The following RAD23B variants were observed in gnomAD, a reference collection of about 807,000 sequenced individuals.
The protein encoded by RAD23B is lysine-specific demethylase RAD23B.
Under a neutral mutation model 49.1 loss-of-function variants are expected in RAD23B, and 5 were observed. The ratio of observed to expected loss-of-function variants is 0.10; its 90% CI spans 0.05 to 0.21. The LOEUF is 0.21. RAD23B is among the 10% of genes least tolerant of loss of function. RAD23B has a pLI of 1.00. For missense variants in RAD23B, 356 were observed against 486.7 expected (o/e 0.73, Z 2.53); for synonymous variants, 184 against 165.4 (o/e 1.11, Z -0.86).
chr9:107,331,637 CATTT>C lies in RAD23B; in HGVS notation c.*1986_*1989del, dbSNP rs750208354. 1.3e-5 allele frequency: 10 copies of C among 767,158 alleles called. No homozygotes were observed. Among genetic ancestry groups the C allele is most frequent in the East Asian group, 1.2e-4 (5 of 41,134 alleles). 47.5% of individuals were successfully genotyped at this position (767,158 alleles called of 1,614,324 possible). On this transcript the variant is annotated 3_prime_UTR_variant, in exon 10 of 10. Transcript: ENST00000358015. ...TTCTGATCGGATAATGGAATACTCT[CATTT>C]ATTTTATGACATTCTCTGTCTACTC...
chr9:107,292,713 T>TA (rs1364804879), intron 1 of RAD23B, among the ~76,000 whole-genome samples: 19 of 147,502 alleles, frequency 1.3e-4, no homozygotes, highest in Admixed American at 1.0e-3. Context: ...GGTCAGTACT[T>TA]ACACACATTA....
intron 1 of RAD23B, among the ~76,000 whole-genome samples, chr9:107,295,991 T>G (rs1826508552): frequency 6.6e-6 from 1 of 152,148 alleles, no homozygotes; most frequent in Non-Finnish European, 1.5e-5. Context: ...CTTAAGGAGA[T>G]TCAAGAGCAA....
intron 3 of RAD23B, among the ~76,000 whole-genome samples, chr9:107,305,355 T>C (rs1052003989): frequency 2.6e-5 from 4 of 152,098 alleles, no homozygotes; most frequent in Non-Finnish European, 4.4e-5. Context: ...GTTCATTAAG[T>C]GTAAGTGGAT....
Position 107,306,044 on chromosome 9 carries a change from T to G in RAD23B, c.229-335T>G, listed in dbSNP as rs1262028058. On this transcript the variant is annotated intron_variant, in intron 3 of 9. Coordinates refer to ENST00000358015, the MANE Select transcript of RAD23B (RefSeq NM_002874.5). ...AAGTTTTTTTGGGAAAATGATACGG[T>G]TTATATCTATATATATATATATATA... is the stretch of plus-strand genomic sequence containing the variant. Among the ~76,000 whole-genome samples the G allele has an allele frequency of 3.6e-4, 7 of 19,504 alleles. No homozygotes were observed. In the East Asian group the frequency reaches 0.013, roughly 37 times the overall value. 12.8% of individuals were successfully genotyped at this position (19,504 alleles called of 152,430 possible). A position where few individuals can be genotyped will look rare whatever the true frequency, so the allele number is the denominator to read the frequency against.
At chr9:107,316,101 C>T (rs551670115) in intron 5 of RAD23B, among the ~76,000 whole-genome samples, 9 of 151,764 alleles carry the variant, frequency 5.9e-5, no homozygotes, top group Admixed American at 3.9e-4. Flanking sequence ...TCTCCGCCTC[C>T]GGGGTTCAAG....
At chr9:107,326,481 A>C (rs74831573) in intron 9 of RAD23B, among the ~76,000 whole-genome samples, 1 of 118,760 alleles carries the variant, frequency 8.4e-6, no homozygotes, top group African/African-American at 4.6e-5. Flanking sequence ...ACTCTGTCTC[A>C]AAAAAAAAAA....
intron 1 of RAD23B, among the ~76,000 whole-genome samples, chr9:107,298,671 TAAAAC>T (rs149056065): frequency 0.059 from 8,936 of 151,394 alleles, 378 homozygotes; most frequent in South Asian, 0.12. Flanking sequence ...CATTAGAAAT[TAAAAC>T]AAACTTTATT....
At chr9:107,295,255 TC>T (rs1826482004) in intron 1 of RAD23B, among the ~76,000 whole-genome samples, 1 of 150,884 alleles carries the variant, frequency 6.6e-6, no homozygotes, top group Non-Finnish European at 1.5e-5. Flanking sequence ...GGGGAGAGAG[TC>T]TAGGAGGAGA....
At chr9:107,304,703 G>A (rs1031249354) in intron 3 of RAD23B, among the ~76,000 whole-genome samples, 1 of 152,134 alleles carries the variant, frequency 6.6e-6, no homozygotes, top group African/African-American at 2.4e-5. Flanking sequence ...TTGTCCTTGG[G>A]AAAGTTATGA....
chr9:107,290,398 C>A (rs150758275), intron 1 of RAD23B, among the ~76,000 whole-genome samples: 1 of 152,178 alleles, frequency 6.6e-6, no homozygotes, highest in Non-Finnish European at 1.5e-5. Context: ...ATGATACACT[C>A]CCTTGTGTCC....
rs541092064 is a variant in RAD23B at position 107,286,908 on chromosome 9, TA to T, written c.66+3221del. On this transcript the variant is annotated intron_variant, in intron 1 of 9. Transcript: ENST00000358015. ...TAACACGGTGAAACCCCGTCTCTACTAAAAAAAATACAAAAAATTAGACGGA... is the reference window on the plus strand; with the variant it reads ...TAACACGGTGAAACCCCGTCTCTACTAAAAAAATACAAAAAATTAGACGGA... 4.5e-3 allele frequency among the ~76,000 whole-genome samples: 680 copies of T among 151,606 alleles called. 3 individuals are homozygous for T. The highest frequency in any genetic ancestry group is 0.016 in the African/African-American group (653 of 41,334).
At chr9:107,310,641 A>C (rs981020046) in intron 4 of RAD23B, among the ~76,000 whole-genome samples, 3 of 152,146 alleles carry the variant, frequency 2.0e-5, no homozygotes, top group East Asian at 1.9e-4. Flanking sequence ...TTGAAATTTT[A>C]TTTTCTCTGC....
intron 2 of RAD23B, 80 bp from the exon 3 acceptor site, chr9:107,301,955 T>A: frequency 6.5e-7 from 1 of 1,531,502 alleles, no homozygotes; most frequent in Non-Finnish European, 8.8e-7. Context: ...ATATTCATAT[T>A]TCGAGTAGAA....
chr9:107,311,843 A>G, intron 5 of RAD23B, 106 bp downstream of exon 5: 1 of 822,452 alleles, frequency 1.2e-6, no homozygotes, highest in Non-Finnish European at 1.9e-6. Flanking sequence ...GTTGTTTATA[A>G]TCAAGCTGTA....
At chr9:107,285,379 C>T (rs114928995) in intron 1 of RAD23B, among the ~76,000 whole-genome samples, 2,394 of 152,308 alleles carry the variant, frequency 0.016, 68 homozygotes, top group African/African-American at 0.054. Context: ...GCCCCAGTAA[C>T]TTAATCGGCT....
intron 3 of RAD23B, among the ~76,000 whole-genome samples, 182 bp from the exon 4 acceptor site, chr9:107,306,197 A>C (rs765521619): frequency 6.6e-6 from 1 of 151,404 alleles, no homozygotes. Context: ...GAGCTTTGAA[A>C]GAGTAACCAT....
At position 107,331,055 on chromosome 9, in the gene RAD23B, T is replaced by G. The variant is rs1045811929; in HGVS notation, c.*1399T>G. 1 of 116,896 alleles carries G rather than the reference T, an allele frequency of 8.6e-6. No homozygotes were observed. Among genetic ancestry groups the G allele is most frequent in the Non-Finnish European group, 1.7e-5 (1 of 58,686 alleles). 7.2% of individuals were successfully genotyped at this position (116,896 alleles called of 1,614,324 possible). A position where few individuals can be genotyped will look rare whatever the true frequency, so the allele number is the denominator to read the frequency against. On this transcript the variant is annotated 3_prime_UTR_variant, in exon 10 of 10. Transcript: ENST00000358015. Reference sequence around the variant, plus strand: ...GAGTATTTAAAGAAATAATTTGGATTGCTTTTGTTTTTTGTTTCCTTTTTT... The same window carrying G: ...GAGTATTTAAAGAAATAATTTGGATGGCTTTTGTTTTTTGTTTCCTTTTTT...
intron 5 of RAD23B, among the ~76,000 whole-genome samples, chr9:107,316,135 G>C (rs1012405672): frequency 7.3e-5 from 11 of 151,578 alleles, no homozygotes; most frequent in Non-Finnish European, 1.3e-4. Flanking sequence ...TCAGCCTCCT[G>C]AGTAGGTGGG....
intron 1 of RAD23B, among the ~76,000 whole-genome samples, chr9:107,288,273 T>C (rs551796633): frequency 3.6e-4 from 55 of 152,288 alleles, no homozygotes; most frequent in Non-Finnish European, 6.2e-4. Flanking sequence ...TTAATAAATA[T>C]TTGCTGTGTA....
Sources: allele counts gnomAD v4.1 joint callset (sites outside exome capture counted in the v4.1 genomes callset), GRCh38; gene constraint gnomAD v4.1.1; transcripts MANE v1.5; gene names NCBI Gene and HGNC (gene_info 2026-07-23, HGNC 2026-07-21).